Variants in KRT36 observed in about 807,000 individuals in gnomAD.
The protein encoded by KRT36 is keratin 36, also known as keratin, type I cuticular Ha6.
KRT36 carries 41 observed loss-of-function variants against 43.0 expected under a neutral mutation model. The observed-to-expected ratio is 0.95, with a 90% confidence interval of 0.74 to 1.24. The LOEUF (loss-of-function observed/expected upper bound fraction) is 1.24, where lower values mean the gene tolerates loss of function less well. KRT36 is among the 50% of genes most tolerant of loss of function. KRT36 has a pLI of 0.00. For missense variants in KRT36, 627 were observed against 595.3 expected, an observed-to-expected ratio of 1.05 and a Z score of -0.55; for synonymous variants, 277 against 252.9, an observed-to-expected ratio of 1.10 and a Z score of -0.90.
intron 3 of KRT36, 100 bp from the exon 4 acceptor site, chr17:41,487,837 G>A: frequency 8.4e-7 from 1 of 1,189,574 alleles, no homozygotes; most frequent in Non-Finnish European, 1.2e-6. Flanking sequence ...GTCACCAGCT[G>A]CATAGCATTA....
chr17:41,487,128 A>G lies in KRT36; in HGVS notation c.1030T>C (p.Tyr344His), dbSNP rs1262016793. ...TGCATCTGGGCCAGCTGGGAGCTGT[A>G]GCGGGCCTCGGTTTCGGCCAGGGTG... ...ESTLAETEAR[Y>H]SSQLAQMQCL... Residue 344 changes from tyrosine (Y) to histidine (H), a missense_variant, in exon 6 of 7, where the codon TAC (tyrosine) becomes CAC (histidine). Coordinates refer to ENST00000328119, the MANE Select transcript of KRT36 (RefSeq NM_003771.5). The G allele has an allele frequency of 6.2e-7, 1 of 1,614,136 alleles. No homozygotes were observed. The highest frequency in any genetic ancestry group is 2.2e-5 in the East Asian group (1 of 44,886).
intron 3 of KRT36, 113 bp downstream of exon 3, chr17:41,488,130 G>T: frequency 1.0e-6 from 1 of 999,132 alleles, no homozygotes; most frequent in Non-Finnish European, 1.5e-6. Context: ...AATGAAACGA[G>T]AATGAAATGC....
intron 1 of KRT36, 85 bp from the exon 2 acceptor site, chr17:41,488,809 A>C: frequency 1.8e-6 from 2 of 1,111,798 alleles, no homozygotes; most frequent in South Asian, 2.5e-5. Flanking sequence ...CACAGAGGCC[A>C]TGCCACTGTG....
Position 41,487,754 on chromosome 17 carries a change from A to G in KRT36, c.700-17T>C. The G allele has an allele frequency of 6.3e-7, 1 of 1,594,876 alleles. No individual in the cohort carries two copies. Among genetic ancestry groups the G allele is most frequent in the Non-Finnish European group, 8.6e-7 (1 of 1,167,144 alleles). ...ACTGACTTCCTGCAGAGAGGAGGCA[A>G]GACGGCATGAGGTTGTGAAAAAGAT... is the stretch of plus-strand genomic sequence containing the variant. On this transcript the variant is annotated splice_polypyrimidine_tract_variant and intron_variant, in intron 3 of 6. Transcript: ENST00000328119.
In KRT36 at chr17:41,487,172, T is replaced by G. The variant is rs139381759; in HGVS notation, c.988-2A>C. 2.7e-5 allele frequency: 43 copies of G among 1,611,166 alleles called. No individual in the cohort carries two copies. The African/African-American group carries it at 5.2e-4, about 19-fold the overall frequency. On this transcript the variant is annotated splice_acceptor_variant, in intron 5 of 6. Transcript: ENST00000328119. LOFTEE classifies it high-confidence loss of function. ...CAGGGTGGATTCCAAGGAATTCCGC[T>G]GCAATGGGAAAGAGGAAGAGCTGCC...
In KRT36 at chr17:41,487,139, G is replaced by GTTTC; in HGVS notation, c.1015_1018dup (p.Thr340ArgfsTer26). 6.2e-7 allele frequency: 1 copy of GTTTC among 1,613,986 alleles called. No individual in the cohort carries two copies. The highest frequency in any genetic ancestry group is 1.7e-5 in the Admixed American group (1 of 60,018). ...CAGCTGGGAGCTGTAGCGGGCCTCGGTTTCGGCCAGGGTGGATTCCAAGGA... is the reference window on the plus strand; with the variant it reads ...CAGCTGGGAGCTGTAGCGGGCCTCGGTTTCTTTCGGCCAGGGTGGATTCCAAGGA... On this transcript the variant is annotated frameshift_variant, in exon 6 of 7. Coordinates refer to ENST00000328119, the MANE Select transcript of KRT36 (RefSeq NM_003771.5). LOFTEE classifies it high-confidence loss of function.
At chr17:41,487,503 A>T in intron 4 of KRT36, 27 bp from the exon 5 acceptor site, 1 of 1,613,752 alleles carries the variant, frequency 6.2e-7, no homozygotes. Flanking sequence ...GGCCCAGAGC[A>T]TGGTCAAACC....
intron 1 of KRT36, 91 bp from the exon 2 acceptor site, chr17:41,488,815 C>G (rs1904481606): frequency 9.6e-7 from 1 of 1,045,186 alleles, no homozygotes; most frequent in Non-Finnish European, 1.5e-6. Flanking sequence ...GGCCATGCCA[C>G]TGTGTACCAC....
rs543479307 is a variant in KRT36 at position 41,486,988 on chromosome 17, G to A, written c.1170C>T (p.Ile390=). The change falls in exon 6 of 7, where the codon ATC becomes ATT. Residue 390 remains isoleucine (I), a synonymous_variant. Transcript: ENST00000328119. The part of the protein sequence containing the change: ...LDVKARLEGE[I]ATYRHLLEGE... The stretch of plus-strand genomic sequence containing the variant: ...CCTCCAGCAGGTGGCGGTAGGTAGC[G>A]ATCTCGCCCTCCAGCCGGGCCTTGA... The A allele has an allele frequency of 1.9e-6, 3 of 1,613,770 alleles. No homozygotes were observed. The highest frequency in any genetic ancestry group is 1.1e-5 in the South Asian group (1 of 91,062).
intron 3 of KRT36, 66 bp from the exon 4 acceptor site, chr17:41,487,803 C>G (rs1904448633): frequency 6.6e-7 from 1 of 1,505,474 alleles, no homozygotes; most frequent in Non-Finnish European, 9.1e-7. Context: ...TTTCAATGAC[C>G]TGAATTCAAA....
intron 6 of KRT36, 56 bp downstream of exon 6, chr17:41,486,894 C>T: frequency 6.6e-7 from 1 of 1,513,516 alleles, no homozygotes. Flanking sequence ...GCTTGACGCC[C>T]TCCACATGGC....
In KRT36 at chr17:41,487,436, T is replaced by A; in HGVS notation, c.902A>T (p.Gln301Leu). 1 of 1,614,192 alleles carries A rather than the reference T, an allele frequency of 6.2e-7. No homozygotes were observed. Among genetic ancestry groups the A allele is most frequent in the South Asian group, 1.1e-5 (1 of 91,088 alleles). Residue 301 changes from glutamine to leucine, a missense_variant, in exon 5 of 7, where the codon CAG (glutamine) becomes CTG (leucine). Gln to Leu is a moderately radical substitution (Grantham distance 113, BLOSUM62 -2). Coordinates refer to ENST00000328119, the MANE Select transcript of KRT36 (RefSeq NM_003771.5). ...LNQQVVSSSE[Q>L]LQCCQTEIIE... is the part of the protein sequence containing the mutation. ...GATCTCCGTCTGGCAGCACTGCAGC[T>A]GCTCCGAGCTGGACACCACCTGCTG...
chr17:41,489,833 G>A lies in KRT36; in HGVS notation c.32C>T (p.Ser11Phe), dbSNP rs1369518761. MATQTCTPTFSTGSIKGLCGT... is the reference protein window; with the variant it reads MATQTCTPTFFTGSIKGLCGT... The stretch of plus-strand genomic sequence containing the variant: ...ACAGAGGCCCTTGATAGACCCAGTG[G>A]AGAAGGTAGGGGTGCAGGTCTGGGT... Residue 11 changes from serine to phenylalanine, a missense_variant, in exon 1 of 7, where the codon TCC becomes TTC. Coordinates refer to ENST00000328119, the MANE Select transcript of KRT36 (RefSeq NM_003771.5). 6.2e-7 allele frequency: 1 copy of A among 1,613,354 alleles called. No homozygotes were observed. The highest frequency in any genetic ancestry group is 1.3e-5 in the African/African-American group (1 of 74,890).
rs1904466711 is a variant in KRT36, at chr17:41,488,408, A to G, written c.543-9T>C. 2.5e-6 allele frequency: 4 copies of G among 1,612,128 alleles called. No homozygotes were observed. Among genetic ancestry groups the G allele is most frequent in the Admixed American group, 1.7e-5 (1 of 59,930 alleles). Reference sequence around the variant, plus strand: ...ACAGCTCTGTCTCATACCTGCACACACAGAACCCTGCCAAGTCTGCAGCAA... The same window carrying G: ...ACAGCTCTGTCTCATACCTGCACACGCAGAACCCTGCCAAGTCTGCAGCAA... On this transcript the variant is annotated splice_polypyrimidine_tract_variant and intron_variant, in intron 2 of 6. Coordinates refer to ENST00000328119, the MANE Select transcript of KRT36 (RefSeq NM_003771.5).
intron 3 of KRT36, among the ~76,000 whole-genome samples, chr17:41,488,028 G>T (rs553447626): frequency 6.6e-6 from 1 of 152,296 alleles, no homozygotes; most frequent in East Asian, 1.9e-4. Flanking sequence ...ATGACCTTAG[G>T]CAAGCAACTT....
At position 41,486,396 on chromosome 17, in the gene KRT36, C is replaced by T. The variant is rs555765804; in HGVS notation, c.1384G>A (p.Val462Met). 4 of 1,613,976 alleles carry T rather than the reference C, an allele frequency of 2.5e-6. No individual in the cohort carries two copies. The South Asian group carries it at 4.4e-5, about 18-fold the overall frequency. ...GGCTGTCACAGCGGGCGGGACTGCA[C>T]GTGCTCCCTGGAGGAGATGACTTTC... ...DGKVISSREH[V>M]QSRPL Residue 462 changes from valine (V) to methionine (M), a missense_variant, in exon 7 of 7, where the codon GTG (valine) becomes ATG (methionine). Val to Met is a conservative substitution (Grantham distance 21, BLOSUM62 1). Transcript: ENST00000328119.
chr17:41,489,299 G>A (rs1232293644), intron 1 of KRT36, 107 bp downstream of exon 1: 3 of 1,257,820 alleles, frequency 2.4e-6, no homozygotes, highest in Middle Eastern at 2.2e-4. Flanking sequence ...TGCCCTACCA[G>A]GAGAATTCCC....
In KRT36 at chr17:41,486,168, T is replaced by C; in HGVS notation, c.*208A>G. The C allele has an allele frequency of 1.8e-6, 1 of 560,078 alleles. No homozygotes were observed. The highest frequency in any genetic ancestry group is 3.2e-6 in the Non-Finnish European group (1 of 315,810). The allele number at this position is 560,078 out of a possible 1,614,324, so 34.7% of individuals were successfully genotyped here. A position where few individuals can be genotyped will look rare whatever the true frequency, so the allele number is the denominator to read the frequency against. On this transcript the variant is annotated 3_prime_UTR_variant, in exon 7 of 7. Coordinates refer to ENST00000328119, the MANE Select transcript of KRT36 (RefSeq NM_003771.5). ...TGCTATGCCAGGAGAACACACTTTA[T>C]TGGGTAAATTTCCAGGAAACCTGGT... is the stretch of plus-strand genomic sequence containing the variant.
chr17:41,486,187 A>T lies in KRT36; in HGVS notation c.*189T>A, dbSNP rs555457300. 25 of 575,710 alleles carry T rather than the reference A, an allele frequency of 4.3e-5. No homozygotes were observed. In the East Asian group the frequency reaches 7.5e-4, roughly 17 times the overall value. 35.7% of individuals were successfully genotyped at this position (575,710 alleles called of 1,614,324 possible). ...ACTTTATTGGGTAAATTTCCAGGAAACCTGGTTTTGCATGGCGTAAAAGCA... is the reference window on the plus strand; with the variant it reads ...ACTTTATTGGGTAAATTTCCAGGAATCCTGGTTTTGCATGGCGTAAAAGCA... On this transcript the variant is annotated 3_prime_UTR_variant, in exon 7 of 7. Transcript: ENST00000328119.
Sources: gnomAD v4.1 joint callset for allele counts (sites outside exome capture counted in the v4.1 genomes callset) on GRCh38, gnomAD v4.1.1 for gene constraint, MANE v1.5 for transcripts, NCBI Gene and HGNC (gene_info 2026-07-23, HGNC 2026-07-21) for gene names.